Variants in TNRC6A observed in about 807,000 individuals in gnomAD.
The protein encoded by TNRC6A is trinucleotide repeat containing adaptor 6A.
TNRC6A carries 44 observed loss-of-function variants against 221.2 expected under a neutral mutation model. That is an observed-to-expected ratio of 0.20 (90% CI 0.16 to 0.26). The LOEUF is 0.26. Among genes scored for constraint, TNRC6A ranks in the 10% least tolerant of loss-of-function variants. The probability of loss-of-function intolerance (pLI) is 1.00; values close to 1 mark genes in which losing one functional copy is unlikely to be tolerated. For missense variants in TNRC6A, 2,199 were observed against 2,404.4 expected, an observed-to-expected ratio of 0.91 and a Z score of 1.79; for synonymous variants, 847 against 838.5, an observed-to-expected ratio of 1.01 and a Z score of -0.18.
intron 2 of TNRC6A, among the ~76,000 whole-genome samples, chr16:24,749,386 A>C (rs1041558208): frequency 6.6e-6 from 1 of 152,198 alleles, no homozygotes; most frequent in Non-Finnish European, 1.5e-5. Flanking sequence ...TCAAGCACCT[A>C]TCAGACTCCT....
chr16:24,658,396 C>T (rs2054961279), intron 2 of TNRC6A, among the ~76,000 whole-genome samples: 1 of 152,322 alleles, frequency 6.6e-6, no homozygotes, highest in Middle Eastern at 3.4e-3. Context: ...CTCACTCACT[C>T]TGTCCCCTAG....
At chr16:24,817,578 G>A (rs954062939) in intron 20 of TNRC6A, among the ~76,000 whole-genome samples, 6 of 151,956 alleles carry the variant, frequency 3.9e-5, no homozygotes, top group Admixed American at 2.6e-4. Flanking sequence ...CCTGCCACGG[G>A]GTTACTTTTC....
At chr16:24,772,947 C>G (rs1345927562) in intron 4 of TNRC6A, among the ~76,000 whole-genome samples, 2 of 152,184 alleles carry the variant, frequency 1.3e-5, no homozygotes, top group African/African-American at 4.8e-5. Flanking sequence ...ACTCCCTCCT[C>G]CAGCTTTTCA....
intron 11 of TNRC6A, among the ~76,000 whole-genome samples, chr16:24,803,087 G>A (rs558833805): frequency 2.6e-5 from 4 of 152,106 alleles, no homozygotes; most frequent in Non-Finnish European, 5.9e-5. Flanking sequence ...CTAAAAGGGC[G>A]ATAACAGTAG....
At chr16:24,700,928 T>G (rs925743931) in intron 2 of TNRC6A, among the ~76,000 whole-genome samples, 7 of 152,200 alleles carry the variant, frequency 4.6e-5, no homozygotes, top group Admixed American at 3.3e-4. Context: ...CTCTCGCTCT[T>G]TGGAATTGTC....
In TNRC6A at chr16:24,806,419, G is replaced by A. The variant is rs764571752; in HGVS notation, c.4329+136G>A. The A allele has an allele frequency of 7.9e-4, 1,083 of 1,366,916 alleles. 11 individuals are homozygous for A. The highest frequency in any genetic ancestry group is 1.8e-4 in the Middle Eastern group (1 of 5,544). 84.7% of individuals were successfully genotyped at this position (1,366,916 alleles called of 1,614,324 possible). Reference sequence around the variant, plus strand: ...TGTAATGCAGTATGTTTTTCATTAAGTCTGCTGGTTGCCCATGAGTTATGT... The same window carrying A: ...TGTAATGCAGTATGTTTTTCATTAAATCTGCTGGTTGCCCATGAGTTATGT... On this transcript the variant is annotated intron_variant, in intron 16 of 24. Coordinates refer to ENST00000395799, the MANE Select transcript of TNRC6A (RefSeq NM_014494.4).
chr16:24,806,848 C>A, intron 17 of TNRC6A, 64 bp downstream of exon 17: 1 of 1,453,762 alleles, frequency 6.9e-7, no homozygotes, highest in Admixed American at 1.8e-5. Context: ...GCCTCCTTCA[C>A]ACGTACCCTT....
At chr16:24,732,006 A>G (rs1009549133) in intron 2 of TNRC6A, among the ~76,000 whole-genome samples, 2 of 152,258 alleles carry the variant, frequency 1.3e-5, no homozygotes, top group Non-Finnish European at 2.9e-5. Context: ...TCATAAATGC[A>G]TAAATAACAG....
chr16:24,732,831 G>A (rs959288019), intron 2 of TNRC6A, among the ~76,000 whole-genome samples: 5 of 152,204 alleles, frequency 3.3e-5, no homozygotes, highest in Admixed American at 6.5e-5. Flanking sequence ...TGGGAGTGGC[G>A]CAGAATCGAC....
intron 2 of TNRC6A, among the ~76,000 whole-genome samples, chr16:24,677,734 T>A (rs2142037529): frequency 6.6e-6 from 1 of 152,300 alleles, no homozygotes; most frequent in Non-Finnish European, 1.5e-5. Context: ...TTGTTCCCCC[T>A]TTTATCCTCA....
intron 5 of TNRC6A, among the ~76,000 whole-genome samples, chr16:24,788,927 C>T (rs1253105994): frequency 2.0e-5 from 3 of 152,180 alleles, no homozygotes; most frequent in East Asian, 3.8e-4. Flanking sequence ...GGATTACAAG[C>T]GTGAGCCACC....
chr16:24,794,801 C>T (rs1871309225), intron 8 of TNRC6A, 82 bp downstream of exon 8: 32 of 1,402,610 alleles, frequency 2.3e-5, no homozygotes, highest in Non-Finnish European at 3.0e-5. Flanking sequence ...TTCGCCTGCC[C>T]ATTTCTGGCG....
intron 22 of TNRC6A, among the ~76,000 whole-genome samples, chr16:24,820,840 A>G (rs556685783): frequency 1.4e-3 from 206 of 152,288 alleles, no homozygotes; most frequent in Non-Finnish European, 2.2e-3. Context: ...CTCATTCTAT[A>G]ATGACTAACA....
chr16:24,614,886 A>G (rs930636187), intron 1 of TNRC6A, among the ~76,000 whole-genome samples: 2 of 152,172 alleles, frequency 1.3e-5, no homozygotes, highest in Admixed American at 6.5e-5. Flanking sequence ...CCTGGCTAAC[A>G]CAGTGAAACC....
At chr16:24,771,929 G>A (rs1372508448) in intron 4 of TNRC6A, among the ~76,000 whole-genome samples, 1 of 152,196 alleles carries the variant, frequency 6.6e-6, no homozygotes, top group East Asian at 1.9e-4. Flanking sequence ...CATATGCAGT[G>A]TTACGAAATA....
At chr16:24,805,422 C>A (rs2058410056) in intron 14 of TNRC6A, 183 bp from the exon 15 acceptor site, 2 of 954,926 alleles carry the variant, frequency 2.1e-6, no homozygotes, top group Admixed American at 2.9e-5. Context: ...CCTCTGTCAT[C>A]TTTTACTTAA....
chr16:24,645,365 G>T (rs75461883), intron 2 of TNRC6A, among the ~76,000 whole-genome samples: 1 of 152,058 alleles, frequency 6.6e-6, no homozygotes, highest in East Asian at 1.9e-4. Flanking sequence ...AATTAGTCCG[G>T]TGGTAGTGGT....
intron 2 of TNRC6A, among the ~76,000 whole-genome samples, chr16:24,660,274 T>G (rs1466448331): frequency 6.6e-6 from 1 of 152,104 alleles, no homozygotes; most frequent in African/African-American, 2.4e-5. Flanking sequence ...TGTGTCATTC[T>G]TATGCCTTTG....
chr16:24,797,992 A>G, intron 11 of TNRC6A, 26 bp downstream of exon 11: 1 of 1,597,158 alleles, frequency 6.3e-7, no homozygotes, highest in Non-Finnish European at 8.6e-7. Context: ...ATCTGTTTAT[A>G]TTCCTCATTG....
Sources: gnomAD v4.1 joint callset for allele counts (sites outside exome capture counted in the v4.1 genomes callset) on GRCh38, gnomAD v4.1.1 for gene constraint, MANE v1.5 for transcripts, NCBI Gene and HGNC (gene_info 2026-07-23, HGNC 2026-07-21) for gene names.